Variants in CDH13 observed in about 807,000 individuals in gnomAD.
CDH13 encodes cadherin 13.
Under a neutral mutation model 63.8 loss-of-function variants are expected in CDH13, and 24 were observed. That is an observed-to-expected ratio of 0.38 (90% CI 0.27 to 0.53). The LOEUF (loss-of-function observed/expected upper bound fraction) is 0.53. Ranked by LOEUF, CDH13 falls within the 20% of genes least tolerant of loss-of-function variation. The pLI, the probability that CDH13 is intolerant of heterozygous loss-of-function variation, is 0.85. For missense variants in CDH13, 1,049 were observed against 903.1 expected (o/e 1.16, Z -2.07); for synonymous variants, 503 against 355.3 (o/e 1.42, Z -4.67).
At chr16:83,538,262 G>A (rs1475754325) in intron 7 of CDH13, among the ~76,000 whole-genome samples, 1 of 152,170 alleles carries the variant, frequency 6.6e-6, no homozygotes, top group African/African-American at 2.4e-5. Flanking sequence ...TTCTGGGTAT[G>A]TTTAGGTTAT....
At chr16:83,618,858 A>G (rs2150774201) in intron 8 of CDH13, among the ~76,000 whole-genome samples, 1 of 152,348 alleles carries the variant, frequency 6.6e-6, no homozygotes, top group South Asian at 2.1e-4. Context: ...GCAAGAAAAT[A>G]TTCCACAGTT....
At chr16:82,670,649 T>C (rs1250184622) in intron 1 of CDH13, among the ~76,000 whole-genome samples, 2 of 152,218 alleles carry the variant, frequency 1.3e-5, no homozygotes, top group Non-Finnish European at 2.9e-5. Flanking sequence ...GCATTTGCAA[T>C]GTTCAGAGTA....
chr16:83,654,298 G>T (rs759290473), intron 8 of CDH13, among the ~76,000 whole-genome samples: 1 of 152,028 alleles, frequency 6.6e-6, no homozygotes, highest in East Asian at 1.9e-4. Context: ...AAGCATGTCT[G>T]GGGGAAGGGT....
rs1192429405 is a variant in CDH13, at chr16:83,244,310, T to C, written c.636+26813T>C. ...GGCTTTACAATTTATTTAACAAACA[T>C]CTAGTGATGGTTACTGTGTGTGAAG... On this transcript the variant is annotated intron_variant, in intron 5 of 13. Transcript: ENST00000567109. Among the ~76,000 whole-genome samples the C allele has an allele frequency of 1.3e-5, 2 of 152,112 alleles. 1 individual carries two copies. Among genetic ancestry groups the C allele is most frequent in the Non-Finnish European group, 2.9e-5 (2 of 68,020 alleles).
intron 1 of CDH13, chr16:82,825,839 G>A (rs192824653): frequency 6.6e-6 from 1 of 151,538 alleles, no homozygotes; most frequent in East Asian, 2.0e-4. Context: ...AAGCCACTGT[G>A]CCCAGCCTTA....
At chr16:83,151,245 C>T (rs1223985888) in intron 4 of CDH13, among the ~76,000 whole-genome samples, 1 of 152,178 alleles carries the variant, frequency 6.6e-6, no homozygotes, top group Non-Finnish European at 1.5e-5. Flanking sequence ...CAATATGCTC[C>T]ATGACAAACA....
chr16:83,553,620 G>A (rs934248343), intron 7 of CDH13, among the ~76,000 whole-genome samples: 5 of 152,132 alleles, frequency 3.3e-5, no homozygotes, highest in Non-Finnish European at 5.9e-5. Flanking sequence ...GCTGAGGCAC[G>A]GTCTTGGCTC....
At position 82,858,594 on chromosome 16, in the gene CDH13, A is replaced by C. The variant is rs2039801189; in HGVS notation, c.157+121A>C. ...TAAGTGTTTTCTGATTATTTTTCTT[A>C]TGTCACTGCTTGACCCAAAGTGGAA... On this transcript the variant is annotated intron_variant, in intron 2 of 13. Transcript: ENST00000567109. The C allele has an allele frequency of 5.2e-6, 4 of 775,534 alleles. No homozygotes were observed. The East Asian group carries it at 1.1e-4, about 21-fold the overall frequency. The allele number at this position is 775,534 out of a possible 1,614,324, so 48.0% of individuals were successfully genotyped here. A position where few individuals can be genotyped will look rare whatever the true frequency, so the allele number is the denominator to read the frequency against.
chr16:83,373,005 T>G (rs1365330914), intron 6 of CDH13, among the ~76,000 whole-genome samples: 1 of 152,168 alleles, frequency 6.6e-6, no homozygotes, highest in Non-Finnish European at 1.5e-5. Flanking sequence ...TGCATTAAGA[T>G]AGTTTTACCT....
At chr16:83,191,400 A>T (rs534722170) in intron 4 of CDH13, among the ~76,000 whole-genome samples, 15 of 145,484 alleles carry the variant, frequency 1.0e-4, no homozygotes, top group Non-Finnish European at 1.9e-4. Context: ...CAAATAAATT[A>T]GAGTTTATTT....
intron 8 of CDH13, among the ~76,000 whole-genome samples, chr16:83,635,506 G>A (rs1911178775): frequency 6.6e-6 from 1 of 151,720 alleles, no homozygotes; most frequent in Admixed American, 6.6e-5. Flanking sequence ...ACCATGCCCA[G>A]CTAATTTTTG....
intron 7 of CDH13, among the ~76,000 whole-genome samples, chr16:83,571,137 C>T (rs892405999): frequency 6.6e-6 from 1 of 151,758 alleles, no homozygotes; most frequent in Non-Finnish European, 1.5e-5. Context: ...GTCCTTTTCA[C>T]TTTATTTCAT....
At chr16:83,487,416 C>G (rs959388095) in intron 7 of CDH13, among the ~76,000 whole-genome samples, 4 of 152,158 alleles carry the variant, frequency 2.6e-5, no homozygotes, top group African/African-American at 9.7e-5. Flanking sequence ...AGGTGTGATG[C>G]TCCAGTGGAT....
chr16:83,055,022 T>C (rs2151511831), intron 3 of CDH13, among the ~76,000 whole-genome samples: 1 of 151,990 alleles, frequency 6.6e-6, no homozygotes, highest in South Asian at 2.1e-4. Flanking sequence ...AAAACAGAAA[T>C]TAATAACAAA....
chr16:83,629,026 G>A (rs1384201537), intron 8 of CDH13, among the ~76,000 whole-genome samples: 7 of 152,140 alleles, frequency 4.6e-5, no homozygotes, highest in African/African-American at 1.7e-4. Context: ...ATGGTAACTG[G>A]TAATTGCTGG....
chr16:83,466,285 C>T (rs1356771886), intron 6 of CDH13, among the ~76,000 whole-genome samples: 1 of 152,116 alleles, frequency 6.6e-6, no homozygotes, highest in Non-Finnish European at 1.5e-5. Flanking sequence ...GTTCAAGAGG[C>T]TGAAGAAGAG....
At chr16:83,477,460 A>G (rs1424952405) in intron 6 of CDH13, among the ~76,000 whole-genome samples, 1 of 152,216 alleles carries the variant, frequency 6.6e-6, no homozygotes, top group Non-Finnish European at 1.5e-5. Context: ...CTCATTTTAA[A>G]GAGCACAGTT....
chr16:83,431,197 T>G (rs1264575075), intron 6 of CDH13, among the ~76,000 whole-genome samples: 1 of 151,974 alleles, frequency 6.6e-6, no homozygotes, highest in Non-Finnish European at 1.5e-5. Context: ...TGTGCCACAT[T>G]TTCTTAATCC....
intron 7 of CDH13, among the ~76,000 whole-genome samples, chr16:83,504,520 C>G (rs1598173625): frequency 6.6e-6 from 1 of 152,248 alleles, no homozygotes; most frequent in African/African-American, 2.4e-5. Context: ...ACAACTTCTT[C>G]TGCTGTGAGG....
Sources: allele counts gnomAD v4.1 joint callset (sites outside exome capture counted in the v4.1 genomes callset), GRCh38; gene constraint gnomAD v4.1.1; transcripts MANE v1.5; gene names NCBI Gene and HGNC (gene_info 2026-07-23, HGNC 2026-07-21).